The following LIN7A variants were observed in gnomAD, a reference collection of about 807,000 sequenced individuals.
The protein encoded by LIN7A is protein lin-7 homolog A.
Under a neutral mutation model 29.8 loss-of-function variants are expected in LIN7A, and 25 were observed. The observed-to-expected ratio is 0.84, with a 90% CI of 0.61 to 1.17. The LOEUF (loss-of-function observed/expected upper bound fraction) is 1.17. Ranked by LOEUF, LIN7A falls within the 50% of genes most tolerant of loss-of-function variation. The pLI, the probability that LIN7A is intolerant of heterozygous loss-of-function variation, is 0.00. For missense variants in LIN7A, 239 were observed against 287.0 expected (o/e 0.83, Z 1.21); for synonymous variants, 118 against 107.5 (o/e 1.10, Z -0.60).
intron 1 of LIN7A, among the ~76,000 whole-genome samples, chr12:80,891,827 A>C (rs1054619849): frequency 6.6e-6 from 1 of 152,184 alleles, no homozygotes; most frequent in Non-Finnish European, 1.5e-5. Flanking sequence ...AAAGGGAATA[A>C]ATGCAGATCA....
At chr12:80,842,226 C>G in intron 4 of LIN7A, 8 of 803,848 alleles carry the variant, frequency 1.0e-5, no homozygotes, top group Non-Finnish European at 1.2e-5. Context: ...ACCTAACATT[C>G]CATGTTAATA....
intron 2 of LIN7A, among the ~76,000 whole-genome samples, chr12:80,851,970 A>T: frequency 6.6e-6 from 1 of 152,204 alleles, no homozygotes; most frequent in East Asian, 1.9e-4. Flanking sequence ...CAATAAAATT[A>T]TAGTGAGTTG....
In LIN7A at chr12:80,858,616, G is replaced by A. The variant is rs576953453; in HGVS notation, c.202-10294C>T. Among the ~76,000 whole-genome samples, 263 of 151,884 alleles carry A rather than the reference G, an allele frequency of 1.7e-3. 1 individual carries two copies. Among genetic ancestry groups the A allele is most frequent in the African/African-American group, 6.0e-3 (247 of 41,444 alleles). On this transcript the variant is annotated intron_variant, in intron 2 of 5. Transcript: ENST00000552864. The stretch of plus-strand genomic sequence containing the variant: ...ATCCTCTGTGACAGGAAATGCCTGA[G>A]CAAAATTTTGGGAAGATGTCATTTT...
intron 2 of LIN7A, among the ~76,000 whole-genome samples, chr12:80,877,721 C>T (rs1874783538): frequency 6.6e-6 from 1 of 152,006 alleles, no homozygotes. Context: ...GCAAATTACC[C>T]CCAGGGAATA....
chr12:80,841,409 AGGG>A (rs1345593425), intron 4 of LIN7A, among the ~76,000 whole-genome samples: 13 of 148,968 alleles, frequency 8.7e-5, no homozygotes, highest in African/African-American at 3.0e-4. Flanking sequence ...GGAAGGAAGG[AGGG>A]AAAGAAAGTA....
At chr12:80,803,507 G>C (rs767914107) in intron 5 of LIN7A, among the ~76,000 whole-genome samples, 2 of 152,126 alleles carry the variant, frequency 1.3e-5, no homozygotes, top group Non-Finnish European at 2.9e-5. Flanking sequence ...TATGTCAACA[G>C]CATGTTGTTT....
At chr12:80,808,489 A>ATTTCTTT (rs1326602766) in intron 5 of LIN7A, among the ~76,000 whole-genome samples, 4 of 149,494 alleles carry the variant, frequency 2.7e-5, no homozygotes, top group Non-Finnish European at 4.5e-5. Context: ...CAATAAATGT[A>ATTTCTTT]TTTCTTTTTT....
intron 1 of LIN7A, among the ~76,000 whole-genome samples, chr12:80,902,516 T>TACAAACC (rs1876277580): frequency 6.6e-6 from 1 of 152,146 alleles, no homozygotes; most frequent in South Asian, 2.1e-4. Flanking sequence ...TTCCATTTAT[T>TACAAACC]AGTGCCATCT....
At chr12:80,934,784 A>G (rs1878115743) in intron 1 of LIN7A, among the ~76,000 whole-genome samples, 1 of 152,224 alleles carries the variant, frequency 6.6e-6, no homozygotes, top group African/African-American at 2.4e-5. Flanking sequence ...CCAAAAAAGA[A>G]CTAGCAGCTC....
At chr12:80,896,468 T>G (rs539961317) in intron 1 of LIN7A, among the ~76,000 whole-genome samples, 2 of 152,340 alleles carry the variant, frequency 1.3e-5, no homozygotes, top group South Asian at 4.1e-4. Context: ...AAATAATGCT[T>G]TGTACTTCTA....
chr12:80,918,841 A>G (rs146334532), intron 1 of LIN7A, among the ~76,000 whole-genome samples: 1 of 152,356 alleles, frequency 6.6e-6, no homozygotes, highest in African/African-American at 2.4e-5. Flanking sequence ...ATTTCAGTCA[A>G]TGAGGAGCTG....
At chr12:80,887,607 GC>G (rs1306916106) in intron 2 of LIN7A, among the ~76,000 whole-genome samples, 1 of 152,058 alleles carries the variant, frequency 6.6e-6, no homozygotes, top group Non-Finnish European at 1.5e-5. Context: ...TACTTAATTA[GC>G]TTTTATTGCT....
At chr12:80,842,046 G>A in intron 4 of LIN7A, 1 of 1,283,744 alleles carries the variant, frequency 7.8e-7, no homozygotes, top group Non-Finnish European at 1.0e-6. Context: ...AATTTCTCTT[G>A]GTGCCTAGGG....
At chr12:80,926,196 T>G (rs951576344) in intron 1 of LIN7A, among the ~76,000 whole-genome samples, 1 of 152,256 alleles carries the variant, frequency 6.6e-6, no homozygotes, top group Non-Finnish European at 1.5e-5. Context: ...TTTTATCTGT[T>G]GACTTAACTA....
At chr12:80,813,951 T>C (rs1871414944) in intron 4 of LIN7A, among the ~76,000 whole-genome samples, 2 of 152,058 alleles carry the variant, frequency 1.3e-5, no homozygotes, top group Admixed American at 1.3e-4. Flanking sequence ...GGAGTCACAC[T>C]GAAGAGGCAG....
At chr12:80,832,915 G>T (rs1872438365) in intron 4 of LIN7A, among the ~76,000 whole-genome samples, 1 of 152,080 alleles carries the variant, frequency 6.6e-6, no homozygotes, top group East Asian at 1.9e-4. Flanking sequence ...TTGTTGTGGT[G>T]ACTGGATGGG....
intron 1 of LIN7A, among the ~76,000 whole-genome samples, chr12:80,905,196 T>A (rs940211326): frequency 6.6e-6 from 1 of 152,038 alleles, no homozygotes; most frequent in African/African-American, 2.4e-5. Context: ...AAGGATTTTT[T>A]TTTTTTCTTT....
intron 1 of LIN7A, among the ~76,000 whole-genome samples, chr12:80,907,836 G>A (rs1026200893): frequency 7.2e-5 from 11 of 151,930 alleles, no homozygotes; most frequent in Non-Finnish European, 1.5e-4. Flanking sequence ...ATATAAGAAG[G>A]TAAAAGAAAA....
At chr12:80,894,636 TAAA>T (rs1237203444) in intron 1 of LIN7A, among the ~76,000 whole-genome samples, 1 of 152,042 alleles carries the variant, frequency 6.6e-6, no homozygotes, top group Admixed American at 6.5e-5. Context: ...AAATTGAGAT[TAAA>T]AAAAGAGAGG....
Sources: gnomAD v4.1 joint callset for allele counts (sites outside exome capture counted in the v4.1 genomes callset) on GRCh38, gnomAD v4.1.1 for gene constraint, MANE v1.5 for transcripts, NCBI Gene and HGNC (gene_info 2026-07-23, HGNC 2026-07-21) for gene names.